The following ASXL2 variants were observed in gnomAD, a reference collection of about 807,000 sequenced individuals.
The protein encoded by ASXL2 is putative Polycomb group protein ASXL2.
ASXL2 carries 23 observed loss-of-function variants against 122.0 expected under a neutral mutation model. The ratio of observed to expected loss-of-function variants is 0.19; its 90% CI spans 0.14 to 0.27. The LOEUF (loss-of-function observed/expected upper bound fraction) is 0.27, where lower values mean the gene tolerates loss of function less well. Among genes scored for constraint, ASXL2 ranks in the 10% least tolerant of loss-of-function variants. The pLI, the probability that ASXL2 is intolerant of heterozygous loss-of-function variation, is 1.00. For missense variants in ASXL2, 1,518 were observed against 1,713.8 expected, an observed-to-expected ratio of 0.89 and a Z score of 2.02; for synonymous variants, 650 against 637.0, an observed-to-expected ratio of 1.02 and a Z score of -0.31.
chr2:25,827,900 G>A (rs1203219403), intron 3 of ASXL2, among the ~76,000 whole-genome samples: 1 of 152,018 alleles, frequency 6.6e-6, no homozygotes, highest in Non-Finnish European at 1.5e-5. Flanking sequence ...GAAATTTTTT[G>A]TTGTTGTTTG....
chr2:25,757,702 G>A (rs1361092399), intron 9 of ASXL2, among the ~76,000 whole-genome samples: 4,597 of 50,734 alleles, frequency 0.091, 2 homozygotes, highest in Non-Finnish European at 0.11. Context: ...AAAAAAAAAA[G>A]AATACCCCCC....
chr2:25,818,867 C>G (rs1223608671), intron 3 of ASXL2, among the ~76,000 whole-genome samples: 5 of 152,150 alleles, frequency 3.3e-5, no homozygotes, highest in Non-Finnish European at 7.4e-5. Context: ...ATTCCTTCCC[C>G]TGTAGTGTGG....
Position 25,744,493 on chromosome 2 carries a change from G to C in ASXL2, c.1861-17C>G. 6.4e-7 allele frequency: 1 copy of C among 1,565,668 alleles called. No individual in the cohort carries two copies. The highest frequency in any genetic ancestry group is 2.2e-5 in the East Asian group (1 of 44,566). On this transcript the variant is annotated splice_polypyrimidine_tract_variant and intron_variant, in intron 12 of 12. Transcript: ENST00000435504. The surrounding 1 kb of genome is among the most constrained non-coding windows in gnomAD (Gnocchi z 4.7). ...GACCGGGATCTGAAAGAAGTAGAGG[G>C]GAAAAAAACAACAGAGCTTAGTTTT...
rs35388163 is a variant in ASXL2, at chr2:25,843,301, CAAAAAAAAAA to C, written c.140+2170_140+2179del. Reference sequence around the variant, plus strand: ...TGGGCGACACAGAGAGACTTCGTCTCAAAAAAAAAAAAAAAAAAATAGAGACGGGGTTTTA... The same window carrying C: ...TGGGCGACACAGAGAGACTTCGTCTCAAAAAAAAATAGAGACGGGGTTTTA... On this transcript the variant is annotated intron_variant, in intron 2 of 12. Transcript: ENST00000435504. Among the ~76,000 whole-genome samples, 22 of 93,046 alleles carry C rather than the reference CAAAAAAAAAA, an allele frequency of 2.4e-4. No individual in the cohort carries two copies. In the Middle Eastern group the frequency reaches 0.029, roughly 124 times the overall value. 61.0% of individuals were successfully genotyped at this position (93,046 alleles called of 152,430 possible). A position where few individuals can be genotyped will look rare whatever the true frequency, so the allele number is the denominator to read the frequency against.
At chr2:25,816,823 A>G (rs1412863903) in intron 3 of ASXL2, among the ~76,000 whole-genome samples, 1 of 152,210 alleles carries the variant, frequency 6.6e-6, no homozygotes, top group Non-Finnish European at 1.5e-5. Context: ...TCAAACAAAG[A>G]GGCAATAGAA....
chr2:25,807,998 C>CACACACACACAA (rs1316317553), intron 3 of ASXL2, among the ~76,000 whole-genome samples: 1 of 150,932 alleles, frequency 6.6e-6, no homozygotes, highest in Non-Finnish European at 1.5e-5. Context: ...CACACACACA[C>CACACACACACAA]ACACACACAC....
At chr2:25,839,830 C>A (rs1419471193) in intron 2 of ASXL2, among the ~76,000 whole-genome samples, 1 of 151,288 alleles carries the variant, frequency 6.6e-6, no homozygotes, top group East Asian at 1.9e-4. Context: ...ACTAATAATA[C>A]CTCATATATT....
intron 10 of ASXL2, among the ~76,000 whole-genome samples, chr2:25,755,768 A>G (rs1393051697): frequency 6.6e-6 from 1 of 152,176 alleles, no homozygotes; most frequent in East Asian, 1.9e-4. Context: ...GGGCCCAAAA[A>G]TCTGTATTTT....
intron 5 of ASXL2, among the ~76,000 whole-genome samples, chr2:25,784,264 G>A (rs991575290): frequency 2.6e-5 from 4 of 151,858 alleles, no homozygotes; most frequent in African/African-American, 9.7e-5. Flanking sequence ...ACTAAAAAAA[G>A]AAATTAAGAA....
At chr2:25,753,754 C>T (rs1559501430) in intron 10 of ASXL2, 115 bp from the exon 11 acceptor site, 2 of 781,630 alleles carry the variant, frequency 2.6e-6, no homozygotes, top group Non-Finnish European at 2.1e-6. Flanking sequence ...GTGAAAGTAA[C>T]AGAAACTCCT....
intron 5 of ASXL2, among the ~76,000 whole-genome samples, chr2:25,781,630 CCT>C (rs913545884): frequency 1.1e-4 from 17 of 150,048 alleles, no homozygotes; most frequent in African/African-American, 3.7e-4. Flanking sequence ...AAGGTATCCC[CCT>C]GTCTCCTAAG....
intron 9 of ASXL2, among the ~76,000 whole-genome samples, chr2:25,757,653 C>T (rs1446737994): frequency 4.8e-5 from 5 of 103,484 alleles, no homozygotes; most frequent in East Asian, 3.1e-4. Flanking sequence ...CCAGCTCAGG[C>T]GACAGAGGGA....
rs1281928005 is a variant in ASXL2, at chr2:25,878,226, G to C, written c.-4C>G. 1.2e-6 allele frequency: 2 copies of C among 1,613,778 alleles called. No homozygotes were observed. Among genetic ancestry groups the C allele is most frequent in the Non-Finnish European group, 1.7e-6 (2 of 1,179,834 alleles). ...TCCTACGTCCCTTTTCCCTCATGTC[G>C]GGTCTTGAACTGACTGGGAGGCTCC... On this transcript the variant is annotated 5_prime_UTR_variant, in exon 1 of 13. Coordinates refer to ENST00000435504, the MANE Select transcript of ASXL2 (RefSeq NM_018263.6).
chr2:25,742,136 A>C lies in ASXL2; in HGVS notation c.4201T>G (p.Tyr1401Asp). The part of the protein sequence containing the change: ...NSIEGTPSKC[Y>D]CRLKAMIMCK... The stretch of plus-strand genomic sequence containing the variant: ...ATGATCATGGCTTTCAAGCGGCAGT[A>C]ACATTTCGAAGGCGTGCCCTCTATG... Residue 1401 changes from tyrosine (Y) to aspartate (D), a missense_variant, in exon 13 of 13, where the codon TAC becomes GAC. By Grantham distance (160) the Tyr-to-Asp change is radical. Around this residue, in one of 8 missense-constraint regions of ASXL2, gnomAD observed 831 missense variants for 833.1 expected, o/e 1.00. Transcript: ENST00000435504. 1 of 1,614,040 alleles carries C rather than the reference A, an allele frequency of 6.2e-7. No individual in the cohort carries two copies. Among genetic ancestry groups the C allele is most frequent in the Non-Finnish European group, 8.5e-7 (1 of 1,179,898 alleles).
chr2:25,842,004 C>T (rs568360302), intron 2 of ASXL2, among the ~76,000 whole-genome samples: 4 of 149,824 alleles, frequency 2.7e-5, no homozygotes, highest in Admixed American at 6.6e-5. Flanking sequence ...CCCAGCTACT[C>T]GGGAGGCTGA....
chr2:25,773,618 A>AAT (rs2088495710), intron 5 of ASXL2, among the ~76,000 whole-genome samples: 1 of 149,962 alleles, frequency 6.7e-6, no homozygotes, highest in South Asian at 2.1e-4. Flanking sequence ...GTGAGCCGAG[A>AAT]TTACGCCACT....
At chr2:25,771,020 A>T (rs1341252338) in intron 6 of ASXL2, among the ~76,000 whole-genome samples, 1 of 151,936 alleles carries the variant, frequency 6.6e-6, no homozygotes, top group African/African-American at 2.4e-5. Context: ...GGCAGATCAC[A>T]AGGTCAAGAG....
chr2:25,856,540 G>T, intron 1 of ASXL2: 1 of 1,127,836 alleles, frequency 8.9e-7, no homozygotes, highest in Non-Finnish European at 1.3e-6. Flanking sequence ...CCTCAAATGA[G>T]TTGGTTGTAT....
intron 5 of ASXL2, among the ~76,000 whole-genome samples, chr2:25,792,978 C>T (rs1023549688): frequency 6.6e-6 from 1 of 151,676 alleles, no homozygotes; most frequent in Non-Finnish European, 1.5e-5. Context: ...TTAGGCCGGG[C>T]GTGGCGGCTC....
Sources: allele counts gnomAD v4.1 joint callset (sites outside exome capture counted in the v4.1 genomes callset), GRCh38; gene constraint gnomAD v4.1.1; regional missense constraint gnomAD v4.1.1; non-coding constraint Gnocchi (gnomAD v3.1); transcripts MANE v1.5; gene names NCBI Gene and HGNC (gene_info 2026-07-23, HGNC 2026-07-21).